DCC: variants seen among roughly 807,000 people sequenced by gnomAD.
The protein encoded by DCC is netrin receptor DCC.
Under a neutral mutation model 172.5 loss-of-function variants are expected in DCC, and 58 were observed. That is an observed-to-expected ratio of 0.34 (90% CI 0.27 to 0.42). DCC has a LOEUF of 0.42. DCC is among the 10% of genes least tolerant of loss of function. The pLI, the probability that DCC is intolerant of heterozygous loss-of-function variation, is 1.00. For missense variants in DCC, 1,740 were observed against 1,791.0 expected (o/e 0.97, Z 0.51); for synonymous variants, 709 against 644.5 (o/e 1.10, Z -1.52).
chr18:53,267,579 A>G (rs755652650), intron 12 of DCC, among the ~76,000 whole-genome samples: 1 of 152,102 alleles, frequency 6.6e-6, no homozygotes, highest in Non-Finnish European at 1.5e-5. Context: ...TCCTGGGCTC[A>G]ATTGATCCTC....
chr18:52,586,237 A>G (rs868177610), intron 1 of DCC, among the ~76,000 whole-genome samples: 1 of 152,110 alleles, frequency 6.6e-6, no homozygotes, highest in African/African-American at 2.4e-5. Context: ...TCCAATTTTC[A>G]CTGATAGTCT....
chr18:53,401,817 A>G (rs1909314207), intron 18 of DCC, among the ~76,000 whole-genome samples: 1 of 152,192 alleles, frequency 6.6e-6, no homozygotes, highest in African/African-American at 2.4e-5. Context: ...AAAGTGAGAG[A>G]GCAGATTGGA....
intron 1 of DCC, among the ~76,000 whole-genome samples, chr18:52,357,167 C>A (rs976122728): frequency 9.2e-5 from 14 of 152,118 alleles, no homozygotes; most frequent in African/African-American, 2.7e-4. Context: ...CCCAAAAATT[C>A]ATGTACTAAA....
chr18:53,222,370 CTTTTTCT>C (rs550090641), intron 12 of DCC, among the ~76,000 whole-genome samples: 2 of 125,284 alleles, frequency 1.6e-5, no homozygotes, highest in African/African-American at 6.2e-5. Context: ...TTTCTTTTTT[CTTTTTCT>C]TTTTTCTTTT....
At chr18:53,526,296 AC>A (rs949041375) in intron 27 of DCC, among the ~76,000 whole-genome samples, 10 of 152,106 alleles carry the variant, frequency 6.6e-5, no homozygotes, top group African/African-American at 2.4e-4. Context: ...CGAGACTGGC[AC>A]CAAATAAGCT....
intron 1 of DCC, among the ~76,000 whole-genome samples, chr18:52,372,360 T>A (rs1261908350): frequency 6.6e-6 from 1 of 152,060 alleles, no homozygotes; most frequent in Non-Finnish European, 1.5e-5. Context: ...TGTGCTCTGT[T>A]TGAGAGTCCA....
intron 1 of DCC, among the ~76,000 whole-genome samples, chr18:52,473,484 G>A (rs900688614): frequency 6.6e-6 from 1 of 152,144 alleles, no homozygotes; most frequent in Admixed American, 6.5e-5. Flanking sequence ...AAGGAAAGAG[G>A]TTTAATTGAC....
chr18:53,506,564 T>G (rs772323268), intron 27 of DCC, among the ~76,000 whole-genome samples: 72 of 151,944 alleles, frequency 4.7e-4, no homozygotes, highest in Non-Finnish European at 8.5e-4. Flanking sequence ...TCTGCGTTCA[T>G]AGAAAGGAGG....
At chr18:52,375,671 A>G (rs570228479) in intron 1 of DCC, among the ~76,000 whole-genome samples, 1 of 152,250 alleles carries the variant, frequency 6.6e-6, no homozygotes, top group East Asian at 1.9e-4. Flanking sequence ...TTGTCTCACA[A>G]TTTTAAATGG....
intron 1 of DCC, among the ~76,000 whole-genome samples, chr18:52,440,963 T>C (rs941808581): frequency 2.6e-5 from 4 of 152,214 alleles, no homozygotes; most frequent in Non-Finnish European, 5.9e-5. Context: ...ATAGACTACA[T>C]TGTTATAAAC....
At chr18:52,977,164 C>G (rs542189255) in intron 5 of DCC, among the ~76,000 whole-genome samples, 1 of 151,982 alleles carries the variant, frequency 6.6e-6, no homozygotes, top group Non-Finnish European at 1.5e-5. Context: ...TCTTACCCCT[C>G]ATAACTAAGC....
chr18:52,821,967 C>T (rs2145273912), intron 2 of DCC, among the ~76,000 whole-genome samples: 1 of 152,238 alleles, frequency 6.6e-6, no homozygotes, highest in South Asian at 2.1e-4. Flanking sequence ...TTTTGGGAGT[C>T]AGATGTTTCT....
chr18:52,905,800 T>C (rs2039873736), intron 2 of DCC, among the ~76,000 whole-genome samples: 1 of 152,232 alleles, frequency 6.6e-6, no homozygotes. Flanking sequence ...TACAGGGCTG[T>C]TTTATTTACC....
At position 53,397,346 on chromosome 18, in the gene DCC, C is replaced by T. The variant is rs1310360794; in HGVS notation, c.2727C>T (p.Gly909=). 1 of 1,613,602 alleles carries T rather than the reference C, an allele frequency of 6.2e-7. No individual in the cohort carries two copies. Among genetic ancestry groups the T allele is most frequent in the Admixed American group, 1.7e-5 (1 of 59,968 alleles). The change falls in exon 18 of 29, where the codon GGC becomes GGT. Residue 909 remains glycine (G), a synonymous_variant. Transcript: ENST00000442544. ...CATCTCTAAGTTACACAGCAACAGG[C>T]CTCAAACCAAACACAATGTATGAAT... is the stretch of plus-strand genomic sequence containing the variant. ...DTTSLSYTAT[G]LKPNTMYEFS...
At chr18:53,098,071 A>T (rs184774986) in intron 7 of DCC, among the ~76,000 whole-genome samples, 2 of 152,098 alleles carry the variant, frequency 1.3e-5, no homozygotes, top group African/African-American at 4.8e-5. Context: ...CTGACTTCCT[A>T]CAGAGTACAT....
chr18:53,207,671 G>A lies in DCC; in HGVS notation c.1723-8G>A, dbSNP rs1466065891. ...CTTGATAACAGTTTTGGTGTTTTAT[G>A]TCTCCAGAATATAGAGGTTGATGGA... On this transcript the variant is annotated splice_region_variant and splice_polypyrimidine_tract_variant and intron_variant, in intron 10 of 28. Coordinates refer to ENST00000442544, the MANE Select transcript of DCC (RefSeq NM_005215.4). The A allele has an allele frequency of 1.2e-6, 2 of 1,612,946 alleles. No homozygotes were observed. The highest frequency in any genetic ancestry group is 8.5e-7 in the Non-Finnish European group (1 of 1,179,278).
intron 1 of DCC, among the ~76,000 whole-genome samples, chr18:52,488,799 G>T (rs2030355875): frequency 6.6e-6 from 1 of 152,028 alleles, no homozygotes; most frequent in South Asian, 2.1e-4. Context: ...AGATACTAGG[G>T]ATCAAATAAG....
intron 2 of DCC, among the ~76,000 whole-genome samples, chr18:52,888,698 A>G (rs544734287): frequency 1.3e-5 from 2 of 152,094 alleles, no homozygotes; most frequent in East Asian, 3.9e-4. Context: ...TAACAACAAA[A>G]AACAATGCCC....
chr18:52,425,508 C>T (rs1373176), intron 1 of DCC, among the ~76,000 whole-genome samples: 32 of 151,990 alleles, frequency 2.1e-4, no homozygotes, highest in Admixed American at 1.6e-3. Flanking sequence ...GCTATCAGCA[C>T]GTTCTATGTC....
Sources: allele counts gnomAD v4.1 joint callset (sites outside exome capture counted in the v4.1 genomes callset), GRCh38; gene constraint gnomAD v4.1.1; transcripts MANE v1.5; gene names NCBI Gene and HGNC (gene_info 2026-07-23, HGNC 2026-07-21).